Variants in NDUFA13 observed in about 807,000 individuals in gnomAD.
NDUFA13 encodes the protein NADH:ubiquinone oxidoreductase subunit A13.
A neutral mutation model predicts 17.0 loss-of-function variants in NDUFA13; 16 were observed. The observed-to-expected ratio is 0.94, with a 90% CI of 0.64 to 1.43. The LOEUF (loss-of-function observed/expected upper bound fraction) is 1.43. Among genes scored for constraint, NDUFA13 ranks in the 40% most tolerant of loss-of-function variants. The pLI is 0.00. For missense variants in NDUFA13, 228 were observed against 206.7 expected (o/e 1.10, Z -0.63); for synonymous variants, 87 against 78.4 (o/e 1.11, Z -0.58).
chr19:19,519,971 CTTTTTTTTTTTT>C (rs397963977), intron 1 of NDUFA13, among the ~76,000 whole-genome samples: 1 of 120,266 alleles, frequency 8.3e-6, no homozygotes, highest in South Asian at 2.8e-4. Context: ...TTTTTGTTCT[CTTTTTTTTTTTT>C]TTTTTTTTTG....
Position 19,528,036 on chromosome 19 carries a change from C to T in NDUFA13, c.345C>T (p.Arg115=), listed in dbSNP as rs1197334643. 4 of 1,612,662 alleles carry T rather than the reference C, an allele frequency of 2.5e-6. No individual in the cohort carries two copies. Among genetic ancestry groups the T allele is most frequent in the African/African-American group, 1.3e-5 (1 of 74,964 alleles). The change falls in exon 5 of 5, where the codon CGC becomes CGT. Residue 115 remains arginine, a synonymous_variant. Transcript: ENST00000507754. The part of the protein sequence containing the change: ...KVGESVFHTT[R]WVPPLIGELY... ...GGGAGTCTGTGTTCCACACAACCCG[C>T]TGGGTGCCCCCCTTGATCGGGGAGC...
chr19:19,526,368 G>T, intron 2 of NDUFA13, 108 bp downstream of exon 2: 1 of 1,243,326 alleles, frequency 8.0e-7, no homozygotes, highest in Non-Finnish European at 1.1e-6. Context: ...GGGCCCCTTG[G>T]ACTTGGCTGT....
At chr19:19,525,987 A>G in intron 1 of NDUFA13, 195 bp from the exon 2 acceptor site, 3 of 1,448,570 alleles carry the variant, frequency 2.1e-6, no homozygotes, top group East Asian at 2.5e-5. Flanking sequence ...CTAGACCCTC[A>G]GGCCTCCTGA....
intron 1 of NDUFA13, among the ~76,000 whole-genome samples, chr19:19,524,626 T>G (rs898815857): frequency 2.0e-4 from 30 of 152,026 alleles, no homozygotes; most frequent in Admixed American, 1.8e-3. Flanking sequence ...GCCAATATGG[T>G]GAAACCCTGT....
At chr19:19,520,716 C>A (rs753352286) in intron 1 of NDUFA13, among the ~76,000 whole-genome samples, 1 of 152,126 alleles carries the variant, frequency 6.6e-6, no homozygotes, top group South Asian at 2.1e-4. Context: ...TTGCCATGAT[C>A]AGAATTTAGA....
chr19:19,517,085 C>T (rs557947834), intron 1 of NDUFA13, among the ~76,000 whole-genome samples: 1 of 152,038 alleles, frequency 6.6e-6, no homozygotes, highest in Non-Finnish European at 1.5e-5. Flanking sequence ...CCATGCCCGG[C>T]GTAAAGTTTT....
At chr19:19,524,053 C>CCGCTGCGCCCAGG (rs1568359248) in intron 1 of NDUFA13, among the ~76,000 whole-genome samples, 3 of 88,992 alleles carry the variant, frequency 3.4e-5, no homozygotes, top group Admixed American at 3.4e-4. Flanking sequence ...CAAGCGTGAG[C>CCGCTGCGCCCAGG]CGAAAAAATT....
Position 19,527,358 on chromosome 19 carries a change from A to G in NDUFA13, c.245+6A>G. ...CAGGCAGAAACCGACCGGAGGTAGC[A>G]CCGCAGGGGCCAAGGTTGGGAGGTC... On this transcript the variant is annotated splice_donor_region_variant and intron_variant, in intron 3 of 4. Coordinates refer to ENST00000507754, the MANE Select transcript of NDUFA13 (RefSeq NM_015965.7). The G allele has an allele frequency of 6.2e-7, 1 of 1,613,772 alleles. No individual in the cohort carries two copies. The highest frequency in any genetic ancestry group is 2.2e-5 in the East Asian group (1 of 44,886).
chr19:19,519,493 C>T (rs1430497131), intron 1 of NDUFA13, among the ~76,000 whole-genome samples: 2 of 152,226 alleles, frequency 1.3e-5, no homozygotes, highest in African/African-American at 4.8e-5. Flanking sequence ...TACACACCCA[C>T]CCCAGCCTTT....
chr19:19,520,062 T>A (rs902937150), intron 1 of NDUFA13, among the ~76,000 whole-genome samples: 2 of 146,390 alleles, frequency 1.4e-5, no homozygotes, highest in Non-Finnish European at 3.0e-5. Flanking sequence ...GCAAGGATGG[T>A]CTCGATCTCC....
At chr19:19,520,297 G>A (rs1270162678) in intron 1 of NDUFA13, among the ~76,000 whole-genome samples, 1 of 152,036 alleles carries the variant, frequency 6.6e-6, no homozygotes, top group African/African-American at 2.4e-5. Flanking sequence ...TATTTATTGA[G>A]GTTCCAATAC....
chr19:19,527,815 C>T (rs985421913), intron 4 of NDUFA13, 45 bp downstream of exon 4: 2 of 1,536,272 alleles, frequency 1.3e-6, no homozygotes, highest in Non-Finnish European at 1.8e-6. Flanking sequence ...ACGGCAGAGA[C>T]AGGGCCTGGG....
At chr19:19,524,486 A>C (rs1424299843) in intron 1 of NDUFA13, among the ~76,000 whole-genome samples, 1 of 152,200 alleles carries the variant, frequency 6.6e-6, no homozygotes, top group Non-Finnish European at 1.5e-5. Context: ...GGCTGAGGGC[A>C]GCCCAGGTCT....
chr19:19,527,162 G>GCCAACCCCCCCCC, intron 2 of NDUFA13, 119 bp from the exon 3 acceptor site: 1 of 837,466 alleles, frequency 1.2e-6, no homozygotes, highest in Non-Finnish European at 1.8e-6. Flanking sequence ...CCCCCTGCCT[G>GCCAACCCCCCCCC]CCTCCCCGCC....
At chr19:19,520,821 CT>C (rs1438450914) in intron 1 of NDUFA13, among the ~76,000 whole-genome samples, 1 of 152,146 alleles carries the variant, frequency 6.6e-6, no homozygotes, top group Non-Finnish European at 1.5e-5. Context: ...GTGGATTTGC[CT>C]GTTCTGGCCA....
At chr19:19,517,283 G>A (rs184031308) in intron 1 of NDUFA13, among the ~76,000 whole-genome samples, 1 of 151,086 alleles carries the variant, frequency 6.6e-6, no homozygotes. Context: ...TGTTGCCTGG[G>A]CTGGAGTGAT....
chr19:19,520,632 AAAAAAT>A (rs924172165), intron 1 of NDUFA13, among the ~76,000 whole-genome samples: 3 of 152,158 alleles, frequency 2.0e-5, no homozygotes, highest in Non-Finnish European at 4.4e-5. Flanking sequence ...TCCATCTCAA[AAAAAAT>A]AATAATAATA....
intron 1 of NDUFA13, chr19:19,525,965 A>G: frequency 7.2e-7 from 1 of 1,396,180 alleles, no homozygotes; most frequent in South Asian, 1.5e-5. Context: ...GGGCCCCCCT[A>G]GCAACCACCA....
intron 1 of NDUFA13, among the ~76,000 whole-genome samples, chr19:19,516,750 G>A (rs1427031476): frequency 6.6e-6 from 1 of 152,154 alleles, no homozygotes; most frequent in Admixed American, 6.6e-5. Context: ...GGCAGCCCCC[G>A]CCTGCATGGT....
Sources: gnomAD v4.1 joint callset for allele counts (sites outside exome capture counted in the v4.1 genomes callset) on GRCh38, gnomAD v4.1.1 for gene constraint, MANE v1.5 for transcripts, NCBI Gene and HGNC (gene_info 2026-07-23, HGNC 2026-07-21) for gene names.